The following CSRNP3 variants were observed in gnomAD, a reference collection of about 807,000 sequenced individuals.
CSRNP3 encodes cysteine/serine-rich nuclear protein 3.
CSRNP3 carries 12 observed loss-of-function variants against 48.0 expected under a neutral mutation model. The ratio of observed to expected loss-of-function variants is 0.25; its 90% confidence interval spans 0.16 to 0.41. The LOEUF (loss-of-function observed/expected upper bound fraction) is 0.41. Among genes scored for constraint, CSRNP3 ranks in the 10% least tolerant of loss-of-function variants. The probability of loss-of-function intolerance (pLI) is 1.00; values close to 1 mark genes in which losing one functional copy is unlikely to be tolerated. For missense variants in CSRNP3, 580 were observed against 724.4 expected, an observed-to-expected ratio of 0.80 and a Z score of 2.29; for synonymous variants, 263 against 269.7, an observed-to-expected ratio of 0.98 and a Z score of 0.24.
chr2:165,542,859 A>C (rs887506206), intron 3 of CSRNP3, among the ~76,000 whole-genome samples: 2 of 152,166 alleles, frequency 1.3e-5, no homozygotes, highest in Non-Finnish European at 2.9e-5. Context: ...TTATGTAGGA[A>C]TATTCACAGC....
At chr2:165,656,818 C>T (rs1310031556) in intron 4 of CSRNP3, among the ~76,000 whole-genome samples, 2 of 151,998 alleles carry the variant, frequency 1.3e-5, no homozygotes, top group African/African-American at 2.4e-5. Flanking sequence ...GAAATAAGAT[C>T]CGAGGTATGA....
intron 2 of CSRNP3, among the ~76,000 whole-genome samples, chr2:165,496,044 G>C (rs1041136256): frequency 2.0e-5 from 3 of 151,842 alleles, no homozygotes; most frequent in Middle Eastern, 3.2e-3. Context: ...TGTGACCCGA[G>C]ATCCTATTTT....
At chr2:165,608,082 T>TTA (rs201330941) in intron 4 of CSRNP3, among the ~76,000 whole-genome samples, 12 of 150,172 alleles carry the variant, frequency 8.0e-5, no homozygotes, top group East Asian at 2.0e-4. Flanking sequence ...TATATATATA[T>TTA]TATATATATA....
In CSRNP3 at chr2:165,684,367, T is replaced by C. The variant is rs1054906976; in HGVS notation, c.*4614T>C. ...TTCTATTTCTCCAAACAACTCAATATTTCTCTTTAAAATGGCATCTCTGTT... is the reference window on the plus strand; with the variant it reads ...TTCTATTTCTCCAAACAACTCAATACTTCTCTTTAAAATGGCATCTCTGTT... On this transcript the variant is annotated 3_prime_UTR_variant, in exon 7 of 7. Coordinates refer to ENST00000651982, the MANE Select transcript of CSRNP3 (RefSeq NM_001172173.2). 6.6e-6 allele frequency: 1 copy of C among 152,118 alleles called. No individual in the cohort carries two copies. The highest frequency in any genetic ancestry group is 2.4e-5 in the African/African-American group (1 of 41,452). 9.4% of individuals were successfully genotyped at this position (152,118 alleles called of 1,614,324 possible). A position where few individuals can be genotyped will look rare whatever the true frequency, so the allele number is the denominator to read the frequency against.
chr2:165,678,648 T>C (rs1687469264), intron 6 of CSRNP3, 53 bp from the exon 7 acceptor site: 3 of 1,552,504 alleles, frequency 1.9e-6, no homozygotes, highest in Non-Finnish European at 2.6e-6. Flanking sequence ...GTTCTGGGCG[T>C]TTATTTGGTT....
intron 3 of CSRNP3, among the ~76,000 whole-genome samples, chr2:165,529,775 T>G (rs1415876003): frequency 6.6e-6 from 1 of 152,212 alleles, no homozygotes; most frequent in East Asian, 1.9e-4. Context: ...AGCATAGTGT[T>G]GGGCACACAG....
chr2:165,515,296 T>A (rs1049542783), intron 2 of CSRNP3, among the ~76,000 whole-genome samples: 1 of 148,230 alleles, frequency 6.7e-6, no homozygotes, highest in African/African-American at 2.5e-5. Context: ...CACTCTAGCC[T>A]GGGTGACAGG....
intron 5 of CSRNP3, among the ~76,000 whole-genome samples, chr2:165,659,422 T>C (rs920761173): frequency 5.3e-5 from 8 of 152,120 alleles, no homozygotes; most frequent in African/African-American, 1.7e-4. Flanking sequence ...TAGGTGATAA[T>C]ACTGTTTTGC....
Position 165,595,189 on chromosome 2 carries a change from C to G in CSRNP3, c.124C>G (p.Pro42Ala). 6.2e-7 allele frequency: 1 copy of G among 1,613,974 alleles called. No individual in the cohort carries two copies. Among genetic ancestry groups the G allele is most frequent in the Non-Finnish European group, 8.5e-7 (1 of 1,179,878 alleles). ...TGCTGACAGTGGGGACAGTGTCAAT[C>G]CATCCACTTCTAGTCATTTTACCCG... ...ESADSGDSVN[P>A]STSSHFTPSS... The change falls in exon 4 of 7, where the codon CCA (proline) becomes GCA (alanine). Residue 42 changes from proline (P) to alanine (A), a missense_variant. This residue lies in a region of CSRNP3 where 83 missense variants were observed against 139.6 expected (regional missense o/e 0.59). Coordinates refer to ENST00000651982, the MANE Select transcript of CSRNP3 (RefSeq NM_001172173.2).
intron 4 of CSRNP3, among the ~76,000 whole-genome samples, chr2:165,636,660 C>T (rs997622796): frequency 2.0e-5 from 3 of 152,126 alleles, no homozygotes; most frequent in Admixed American, 6.5e-5. Context: ...TAAAAACATA[C>T]ATATGTAATA....
intron 1 of CSRNP3, among the ~76,000 whole-genome samples, chr2:165,473,350 A>G (rs1683917915): frequency 6.6e-6 from 1 of 152,088 alleles, no homozygotes; most frequent in Non-Finnish European, 1.5e-5. Flanking sequence ...TAATGGAAAT[A>G]TGCTAGTTTG....
rs869287628 is a variant in CSRNP3, at chr2:165,520,783, TTATATATATATA to T, written c.-24+2855_-24+2866del. Among the ~76,000 whole-genome samples, 29 of 29,694 alleles carry T rather than the reference TTATATATATATA, an allele frequency of 9.8e-4. No individual in the cohort carries two copies. In the East Asian group the frequency reaches 0.017, roughly 17 times the overall value. The allele number at this position is 29,694 out of a possible 152,430, so 19.5% of individuals were successfully genotyped here. A position where few individuals can be genotyped will look rare whatever the true frequency, so the allele number is the denominator to read the frequency against. Reference sequence around the variant, plus strand: ...TATAGAAATATATTATATATATATATTATATATATATATATATATATATATATATATATATAT... The same window carrying T: ...TATAGAAATATATTATATATATATATTATATATATATATATATATATATAT... On this transcript the variant is annotated intron_variant, in intron 3 of 6. Coordinates refer to ENST00000651982, the MANE Select transcript of CSRNP3 (RefSeq NM_001172173.2).
chr2:165,560,503 A>AC (rs1685219192), intron 3 of CSRNP3, among the ~76,000 whole-genome samples: 1 of 152,138 alleles, frequency 6.6e-6, no homozygotes, highest in South Asian at 2.1e-4. Context: ...TCTGTAGCTA[A>AC]CCCAAGCTTT....
intron 3 of CSRNP3, among the ~76,000 whole-genome samples, chr2:165,539,298 T>C (rs1684922814): frequency 6.6e-6 from 1 of 151,976 alleles, no homozygotes; most frequent in Non-Finnish European, 1.5e-5. Flanking sequence ...GACAAGAATT[T>C]GCTTTTTCTT....
rs891936300 is a variant in CSRNP3 at position 165,526,638 on chromosome 2, C to A, written c.-24+8677C>A. On this transcript the variant is annotated intron_variant, in intron 3 of 6. Transcript: ENST00000651982. ...AAGGTCTTATTGAACTTTGAGTATA[C>A]CCCTACTGTCCAATTATCTGTGAGG... is the stretch of plus-strand genomic sequence containing the variant. Among the ~76,000 whole-genome samples, 5 of 152,284 alleles carry A rather than the reference C, an allele frequency of 3.3e-5. No homozygotes were observed. The East Asian group carries it at 9.6e-4, about 29-fold the overall frequency.
At chr2:165,654,961 C>T (rs532058982) in intron 4 of CSRNP3, among the ~76,000 whole-genome samples, 1 of 152,282 alleles carries the variant, frequency 6.6e-6, no homozygotes, top group East Asian at 1.9e-4. Context: ...TCCCAATCAT[C>T]TAGAAAGTGG....
chr2:165,592,382 G>C (rs1414205271), intron 3 of CSRNP3, among the ~76,000 whole-genome samples: 1 of 152,148 alleles, frequency 6.6e-6, no homozygotes. Flanking sequence ...GTTGGACTTC[G>C]ACTTTTGGGT....
At chr2:165,674,199 T>C (rs1687381732) in intron 5 of CSRNP3, among the ~76,000 whole-genome samples, 1 of 152,130 alleles carries the variant, frequency 6.6e-6, no homozygotes, top group South Asian at 2.1e-4. Flanking sequence ...GTGTGCTACA[T>C]GTGCTGAGGA....
chr2:165,595,234 C>G, intron 4 of CSRNP3, 21 bp downstream of exon 4: 1 of 1,587,068 alleles, frequency 6.3e-7, no homozygotes, highest in Non-Finnish European at 8.6e-7. Flanking sequence ...AAATCAGAAC[C>G]GAAGTCAATT....
Sources: allele counts gnomAD v4.1 joint callset (sites outside exome capture counted in the v4.1 genomes callset), GRCh38; gene constraint gnomAD v4.1.1; regional missense constraint gnomAD v4.1.1; transcripts MANE v1.5; gene names NCBI Gene and HGNC (gene_info 2026-07-23, HGNC 2026-07-21).